FAM193B: variants seen among roughly 807,000 people sequenced by gnomAD.
FAM193B encodes the protein family with sequence similarity 193 member B, also known as protein FAM193B.
A neutral mutation model predicts 70.7 loss-of-function variants in FAM193B; 27 were observed. The ratio of observed to expected loss-of-function variants is 0.38; its 90% CI spans 0.28 to 0.53. The LOEUF (loss-of-function observed/expected upper bound fraction) is 0.53, where lower values mean the gene tolerates loss of function less well. Ranked by LOEUF, FAM193B falls within the 20% of genes least tolerant of loss-of-function variation. The probability of loss-of-function intolerance (pLI) is 0.81; values close to 1 mark genes in which losing one functional copy is unlikely to be tolerated. For missense variants in FAM193B, 1,022 were observed against 1,072.5 expected, an observed-to-expected ratio of 0.95 and a Z score of 0.66; for synonymous variants, 448 against 436.0, an observed-to-expected ratio of 1.03 and a Z score of -0.34.
At chr5:177,520,642 A>C (rs978594206) in intron 8 of FAM193B, among the ~76,000 whole-genome samples, 1 of 152,258 alleles carries the variant, frequency 6.6e-6, no homozygotes, top group Non-Finnish European at 1.5e-5. Flanking sequence ...AGACAGTTGC[A>C]TTTGATTTCT....
chr5:177,520,687 G>A (rs902355297), intron 8 of FAM193B, among the ~76,000 whole-genome samples: 3 of 152,314 alleles, frequency 2.0e-5, no homozygotes, highest in Middle Eastern at 6.8e-3. Flanking sequence ...GAGGAAATGC[G>A]ATCTCTTTTC....
At chr5:177,530,994 AT>A (rs1403325989) in intron 5 of FAM193B, among the ~76,000 whole-genome samples, 2 of 152,192 alleles carry the variant, frequency 1.3e-5, no homozygotes, top group Non-Finnish European at 2.9e-5. Flanking sequence ...GGCTGCCAGT[AT>A]TTGTAGAAGT....
chr5:177,536,332 G>C (rs74292777), intron 4 of FAM193B, 26 bp downstream of exon 4: 95,904 of 1,602,270 alleles, frequency 0.06, 3,651 homozygotes, highest in East Asian at 0.2. Flanking sequence ...TGGGTAGCGA[G>C]TTTGCCCTTC....
rs1380400532 is a variant in FAM193B, at chr5:177,524,302, G to A, written c.2179C>T (p.Pro727Ser). 1.9e-6 allele frequency: 3 copies of A among 1,585,574 alleles called. No homozygotes were observed. The highest frequency in any genetic ancestry group is 2.6e-6 in the Non-Finnish European group (3 of 1,165,720). Reference sequence around the variant, plus strand: ...GGCTGCACAGACTCCTGCTCCTGAGGCCGTGCCTTGGCCTCGCCTGGCCAG... The same window carrying A: ...GGCTGCACAGACTCCTGCTCCTGAGACCGTGCCTTGGCCTCGCCTGGCCAG... ...RNWPGEAKAR[P>S]QEQESVQPSG... Residue 727 changes from proline to serine, a missense_variant, in exon 6 of 9, where the codon CCT becomes TCT. Pro to Ser is a moderately conservative substitution (Grantham distance 74, BLOSUM62 -1). Transcript: ENST00000514747.
intron 1 of FAM193B, among the ~76,000 whole-genome samples, chr5:177,546,744 C>T (rs1765475615): frequency 6.6e-6 from 1 of 152,222 alleles, no homozygotes; most frequent in South Asian, 2.1e-4. Flanking sequence ...CACTACGAGA[C>T]TAGTCAGTGG....
intron 1 of FAM193B, chr5:177,553,729 C>A (rs1376815130): frequency 7.8e-7 from 1 of 1,287,940 alleles, no homozygotes; most frequent in Non-Finnish European, 1.0e-6. Context: ...TGGCTGTCTG[C>A]TCCAACTGCT....
intron 1 of FAM193B, among the ~76,000 whole-genome samples, chr5:177,546,913 G>C (rs993513894): frequency 6.6e-6 from 1 of 152,226 alleles, no homozygotes; most frequent in African/African-American, 2.4e-5. Context: ...CCAAGCCGCA[G>C]ATTTACCTGA....
At chr5:177,546,807 A>G (rs1432711565) in intron 1 of FAM193B, among the ~76,000 whole-genome samples, 1 of 152,174 alleles carries the variant, frequency 6.6e-6, no homozygotes, top group East Asian at 1.9e-4. Context: ...CTCTGATCCT[A>G]GTGACCTTAA....
intron 1 of FAM193B, among the ~76,000 whole-genome samples, chr5:177,539,622 T>A (rs73336014): frequency 6.9e-4 from 105 of 152,088 alleles, no homozygotes; most frequent in African/African-American, 2.5e-3. Flanking sequence ...TTCTGAAGAA[T>A]TGCACAATTC....
intron 4 of FAM193B, among the ~76,000 whole-genome samples, chr5:177,533,167 T>A (rs1763740836): frequency 6.6e-6 from 1 of 152,160 alleles, no homozygotes; most frequent in South Asian, 2.1e-4. Flanking sequence ...CTTTCTAAGG[T>A]GCTTCTGAGC....
chr5:177,550,602 T>C (rs1766082207), intron 1 of FAM193B, among the ~76,000 whole-genome samples: 1 of 152,144 alleles, frequency 6.6e-6, no homozygotes, highest in Non-Finnish European at 1.5e-5. Flanking sequence ...TGAGTTCACC[T>C]CTCCTCACCA....
At chr5:177,523,033 T>C (rs965174882) in intron 7 of FAM193B, 1 of 168,194 alleles carries the variant, frequency 5.9e-6, no homozygotes, top group African/African-American at 2.5e-5. Context: ...AATACGTATT[T>C]TTTTGAGACG....
intron 1 of FAM193B, chr5:177,554,041 G>A (rs1040439215): frequency 7.5e-7 from 1 of 1,339,122 alleles, no homozygotes; most frequent in Non-Finnish European, 9.6e-7. Context: ...CAGCCTAGTC[G>A]CAGGAGCGCG....
rs1456586710 is a variant in FAM193B at position 177,536,618 on chromosome 5, T to C, written c.816A>G (p.Pro272=). The change falls in exon 4 of 9, where the codon CCA becomes CCG. Residue 272 remains proline, a synonymous_variant. Coordinates refer to ENST00000514747, the MANE Select transcript of FAM193B (RefSeq NM_001190946.3). ...TGGTGGGCAGCAGGTGTGGGTGGGG[T>C]GGGGAGCCAAAGGAGCTGGGGTGAG... The part of the protein sequence containing the change: ...IPSHPSSFGS[P]PHPHLLPTTP... 7.2e-6 allele frequency: 11 copies of C among 1,527,658 alleles called. No individual in the cohort carries two copies. Among genetic ancestry groups the C allele is most frequent in the Non-Finnish European group, 8.7e-6 (10 of 1,145,422 alleles). 94.6% of individuals were successfully genotyped at this position (1,527,658 alleles called of 1,614,324 possible).
intron 1 of FAM193B, chr5:177,554,034 C>T: frequency 7.5e-7 from 1 of 1,337,546 alleles, no homozygotes; most frequent in Non-Finnish European, 9.6e-7. Context: ...GCAGCTTCAG[C>T]CTAGTCGCAG....
chr5:177,531,221 G>A, intron 5 of FAM193B: 3 of 1,210,942 alleles, frequency 2.5e-6, no homozygotes, highest in Non-Finnish European at 3.2e-6. Flanking sequence ...GAAGTCCTGG[G>A]GGTTGGGGCG....
At chr5:177,534,660 G>C (rs1246726966) in intron 4 of FAM193B, among the ~76,000 whole-genome samples, 1 of 152,102 alleles carries the variant, frequency 6.6e-6, no homozygotes, top group Non-Finnish European at 1.5e-5. Context: ...GCCTAGGCTA[G>C]AGTTCAGTGG....
intron 3 of FAM193B, among the ~76,000 whole-genome samples, chr5:177,537,003 G>A (rs1764253642): frequency 6.6e-6 from 1 of 152,232 alleles, no homozygotes; most frequent in Admixed American, 6.5e-5. Context: ...AGCATGAGCA[G>A]AAGATATGCA....
chr5:177,545,654 G>A (rs1192006387), intron 1 of FAM193B, among the ~76,000 whole-genome samples: 1 of 81,848 alleles, frequency 1.2e-5, no homozygotes, highest in Non-Finnish European at 2.2e-5. Flanking sequence ...GTGAGAGCCT[G>A]TCTCAAAAAA....
Sources: allele counts gnomAD v4.1 joint callset (sites outside exome capture counted in the v4.1 genomes callset), GRCh38; gene constraint gnomAD v4.1.1; transcripts MANE v1.5; gene names NCBI Gene and HGNC (gene_info 2026-07-23, HGNC 2026-07-21).